SNX27: variants seen among roughly 807,000 people sequenced by gnomAD.
SNX27 encodes sorting nexin 27.
SNX27 carries 22 observed loss-of-function variants against 71.6 expected under a neutral mutation model. The ratio of observed to expected loss-of-function variants is 0.31; its 90% CI spans 0.22 to 0.44. The LOEUF is 0.44. Among genes scored for constraint, SNX27 ranks in the 20% least tolerant of loss-of-function variants. The pLI is 1.00. For synonymous variants in SNX27, 269 were observed against 277.2 expected, an observed-to-expected ratio of 0.97 and a Z score of 0.29; for missense variants, 531 against 698.6, an observed-to-expected ratio of 0.76 and a Z score of 2.70.
In SNX27 at chr1:151,694,660, A is replaced by T. The variant is rs1004190069; in HGVS notation, c.*243A>T. On this transcript the variant is annotated 3_prime_UTR_variant, in exon 12 of 12. Coordinates refer to ENST00000458013, the MANE Select transcript of SNX27 (RefSeq NM_001330723.2). ...CTGAGTTAAGGCAGGAAAAGAAATA[A>T]GCCCAACCAACTTGCCAAAGGTATC... 37 of 425,846 alleles carry T rather than the reference A, an allele frequency of 8.7e-5. No homozygotes were observed. The highest frequency in any genetic ancestry group is 2.9e-4 in the Admixed American group (7 of 23,912). 26.4% of individuals were successfully genotyped at this position (425,846 alleles called of 1,614,324 possible). A position where few individuals can be genotyped will look rare whatever the true frequency, so the allele number is the denominator to read the frequency against.
intron 2 of SNX27, among the ~76,000 whole-genome samples, chr1:151,654,201 C>G (rs1254864661): frequency 6.6e-6 from 1 of 152,176 alleles, no homozygotes; most frequent in African/African-American, 2.4e-5. Flanking sequence ...GTACCACAGA[C>G]AAGTTCTCTC....
intron 1 of SNX27, chr1:151,615,927 C>A: frequency 1.7e-6 from 1 of 580,940 alleles, no homozygotes; most frequent in South Asian, 7.4e-5. Context: ...AATCTTTAGT[C>A]CTGAAACTAA....
chr1:151,652,302 A>G (rs1669447220), intron 2 of SNX27, among the ~76,000 whole-genome samples: 1 of 151,200 alleles, frequency 6.6e-6, no homozygotes. Context: ...CTCTTTAGAT[A>G]ATTTTTATGG....
intron 2 of SNX27, among the ~76,000 whole-genome samples, chr1:151,653,146 T>G (rs1669496251): frequency 6.6e-6 from 1 of 152,116 alleles, no homozygotes; most frequent in African/African-American, 2.4e-5. Flanking sequence ...AGGCTGGTCT[T>G]GAACTCCTGA....
At chr1:151,625,558 C>T (rs1375773180) in intron 1 of SNX27, among the ~76,000 whole-genome samples, 2 of 151,188 alleles carry the variant, frequency 1.3e-5, no homozygotes, top group South Asian at 2.1e-4. Context: ...TGAATCTGGC[C>T]AGGTGTGGTG....
chr1:151,675,211 T>C (rs1670630827), intron 7 of SNX27, among the ~76,000 whole-genome samples: 1 of 152,128 alleles, frequency 6.6e-6, no homozygotes, highest in Non-Finnish European at 1.5e-5. Context: ...GATTACAAAA[T>C]TTTGTTCTGA....
chr1:151,651,332 AC>A (rs1267848853), intron 2 of SNX27, among the ~76,000 whole-genome samples: 2 of 114,266 alleles, frequency 1.8e-5, no homozygotes, highest in African/African-American at 3.5e-5. Context: ...CGGGGGGCTG[AC>A]CCCCCCCACC....
At chr1:151,635,007 A>G (rs1378671805) in intron 1 of SNX27, among the ~76,000 whole-genome samples, 1 of 152,188 alleles carries the variant, frequency 6.6e-6, no homozygotes, top group African/African-American at 2.4e-5. Flanking sequence ...TGGTCTTGTG[A>G]AGCTGGCTAT....
intron 1 of SNX27, among the ~76,000 whole-genome samples, chr1:151,635,194 A>G (rs1364309387): frequency 6.6e-6 from 1 of 152,266 alleles, no homozygotes; most frequent in Non-Finnish European, 1.5e-5. Context: ...TACAAATACT[A>G]TAACACAAAT....
chr1:151,687,907 C>G (rs1671255784), intron 8 of SNX27, among the ~76,000 whole-genome samples: 1 of 149,116 alleles, frequency 6.7e-6, no homozygotes. Flanking sequence ...GCGATCGCGC[C>G]GCTCACTCCA....
In SNX27 at chr1:151,695,153, G is replaced by A. The variant is rs1400312466; in HGVS notation, c.*736G>A. 1.3e-5 allele frequency: 2 copies of A among 152,572 alleles called. No individual in the cohort carries two copies. The highest frequency in any genetic ancestry group is 2.9e-5 in the Non-Finnish European group (2 of 68,058). 9.5% of individuals were successfully genotyped at this position (152,572 alleles called of 1,614,324 possible). On this transcript the variant is annotated 3_prime_UTR_variant, in exon 12 of 12. Coordinates refer to ENST00000458013, the MANE Select transcript of SNX27 (RefSeq NM_001330723.2). The stretch of plus-strand genomic sequence containing the variant: ...AAGAGGGTGCTGGGGAGGAGAAAGA[G>A]GTGTGTTTCTCAAGGTTAACAGGCT...
intron 1 of SNX27, among the ~76,000 whole-genome samples, chr1:151,635,116 A>G (rs962151395): frequency 1.3e-5 from 2 of 152,200 alleles, no homozygotes; most frequent in African/African-American, 2.4e-5. Context: ...AGGCAAGGGA[A>G]ATTGCTGGTA....
intron 8 of SNX27, among the ~76,000 whole-genome samples, chr1:151,688,360 G>A (rs1194705550): frequency 6.6e-6 from 1 of 152,140 alleles, no homozygotes; most frequent in East Asian, 1.9e-4. Flanking sequence ...TCAGCGAGGC[G>A]CGGTGGCTTA....
chr1:151,683,094 G>C (rs1171725825), intron 7 of SNX27, among the ~76,000 whole-genome samples: 1 of 152,080 alleles, frequency 6.6e-6, no homozygotes, highest in East Asian at 1.9e-4. Context: ...CATGAGACCA[G>C]CATGGGGAAA....
At chr1:151,685,713 C>T (rs1026525940) in intron 8 of SNX27, among the ~76,000 whole-genome samples, 1 of 152,114 alleles carries the variant, frequency 6.6e-6, no homozygotes, top group East Asian at 1.9e-4. Context: ...AAATGCAAAC[C>T]AGTCAGCCAT....
chr1:151,681,945 T>G (rs1484136784), intron 7 of SNX27, among the ~76,000 whole-genome samples: 1 of 152,232 alleles, frequency 6.6e-6, no homozygotes, highest in Non-Finnish European at 1.5e-5. Context: ...CTCTTCTTCA[T>G]TCTGTTCTTT....
intron 2 of SNX27, among the ~76,000 whole-genome samples, chr1:151,653,229 T>G (rs190431724): frequency 6.6e-6 from 1 of 151,808 alleles, no homozygotes; most frequent in Admixed American, 6.6e-5. Flanking sequence ...CCCAGCCTTT[T>G]TTTTTGTTGT....
intron 7 of SNX27, among the ~76,000 whole-genome samples, chr1:151,683,132 C>T (rs916327080): frequency 2.0e-5 from 3 of 152,138 alleles, no homozygotes; most frequent in African/African-American, 4.8e-5. Flanking sequence ...CACCTCCCAC[C>T]GGGTCCCTCC....
At chr1:151,651,755 T>G (rs1558053744) in intron 2 of SNX27, among the ~76,000 whole-genome samples, 1 of 134,534 alleles carries the variant, frequency 7.4e-6, no homozygotes, top group Non-Finnish European at 1.6e-5. Context: ...ACATCCCAGA[T>G]GATGGGCGGC....
Sources: allele counts gnomAD v4.1 joint callset (sites outside exome capture counted in the v4.1 genomes callset), GRCh38; gene constraint gnomAD v4.1.1; transcripts MANE v1.5; gene names NCBI Gene and HGNC (gene_info 2026-07-23, HGNC 2026-07-21).